TPTE2: variants seen among roughly 807,000 people sequenced by gnomAD.
TPTE2 encodes the protein transmembrane phosphoinositide 3-phosphatase and tensin homolog 2, also known as phosphatidylinositol 3,4,5-trisphosphate 3-phosphatase TPTE2.
Under a neutral mutation model 78.6 loss-of-function variants are expected in TPTE2, and 53 were observed. That is an observed-to-expected ratio of 0.67 (90% CI 0.54 to 0.85). The LOEUF (loss-of-function observed/expected upper bound fraction) is 0.85, where lower values mean the gene tolerates loss of function less well. Ranked by LOEUF, TPTE2 falls within the 40% of genes least tolerant of loss-of-function variation. TPTE2 has a pLI of 0.00. For synonymous variants in TPTE2, 175 were observed against 206.2 expected, an observed-to-expected ratio of 0.85 and a Z score of 1.30; for missense variants, 461 against 623.0, an observed-to-expected ratio of 0.74 and a Z score of 2.77.
chr13:19,482,080 C>T (rs1880389778), intron 4 of TPTE2, among the ~76,000 whole-genome samples: 2 of 152,040 alleles, frequency 1.3e-5, no homozygotes, highest in Non-Finnish European at 2.9e-5. Context: ...GTCAGCAAAA[C>T]ATGTTTGCTT....
exon 3 of TPTE2, chr13:19,492,852 T>G (rs764514406): frequency 6.2e-7 from 1 of 1,613,930 alleles, no homozygotes; most frequent in Non-Finnish European, 8.5e-7. Context: ...TAACTCACCT[T>G]TTACTGATAG....
In TPTE2 at chr13:19,513,283, T is replaced by C. The variant is rs565430718; in HGVS notation, c.-43-10006A>G. Among the ~76,000 whole-genome samples, 17 of 152,362 alleles carry C rather than the reference T, an allele frequency of 1.1e-4. No homozygotes were observed. The East Asian group carries it at 3.1e-3, about 28-fold the overall frequency. On this transcript the variant is annotated intron_variant, in intron 1 of 17. Transcript: ENST00000390680. ...TGGAGTGGTGATATGACCAATTTAT[T>C]TGAACAACAAAATTCCTTGAATCTA...
intron 3 of TPTE2, 36 bp downstream of exon 6, chr13:19,492,814 T>C (rs1881075986): frequency 1.2e-6 from 2 of 1,608,946 alleles, no homozygotes; most frequent in Non-Finnish European, 1.7e-6. Context: ...TATGCACTCT[T>C]ATGCATACGT....
intron 6 of TPTE2, among the ~76,000 whole-genome samples, chr13:19,468,025 CTTTTTTTTTTTTTTTTTTT>C (rs71092364): frequency 8.8e-5 from 4 of 45,492 alleles, no homozygotes; most frequent in Admixed American, 4.0e-4. Context: ...GACAGGATCT[CTTTTTTTTTTTTTTTTTTT>C]TTTTTTTTTT....
At chr13:19,440,398 G>T (rs1365410337) in intron 13 of TPTE2, among the ~76,000 whole-genome samples, 1 of 147,702 alleles carries the variant, frequency 6.8e-6, no homozygotes, top group Non-Finnish European at 1.5e-5. Context: ...AGAAAAAAAA[G>T]CTTTTGATAA....
intron 2 of TPTE2, 78 bp downstream of exon 5, chr13:19,493,370 C>G (rs1489488620): frequency 2.6e-6 from 3 of 1,173,916 alleles, no homozygotes; most frequent in African/African-American, 3.1e-5. Context: ...GATATATTTG[C>G]TCATATGCCT....
At chr13:19,540,719 T>C (rs1486622613), upstream of TPTE2, among the ~76,000 whole-genome samples, 1 of 152,206 alleles carries the variant, frequency 6.6e-6, no homozygotes, top group Non-Finnish European at 1.5e-5. Context: ...ATATTTTTGA[T>C]GCTACTGTAA....
At chr13:19,554,268 T>C in the TPTE2 span, among the ~76,000 whole-genome samples, 2 of 151,766 alleles carry the variant, frequency 1.3e-5, no homozygotes, top group Admixed American at 6.6e-5. Context: ...CCAGCTACTC[T>C]GGAGGCTGAG....
chr13:19,439,995 G>C (rs2088937072), intron 13 of TPTE2, among the ~76,000 whole-genome samples: 1 of 152,146 alleles, frequency 6.6e-6, no homozygotes, highest in Non-Finnish European at 1.5e-5. Flanking sequence ...ATGCCCTAGA[G>C]AGAAAGAGAA....
At chr13:19,466,488 T>C (rs1944106721) in intron 7 of TPTE2, among the ~76,000 whole-genome samples, 1 of 152,210 alleles carries the variant, frequency 6.6e-6, no homozygotes, top group Non-Finnish European at 1.5e-5. Context: ...TACATCCCAG[T>C]ATACATTTGC....
At chr13:19,454,073 A>G (rs1464387312) in intron 10 of TPTE2, among the ~76,000 whole-genome samples, 1 of 152,150 alleles carries the variant, frequency 6.6e-6, no homozygotes, top group Non-Finnish European at 1.5e-5. Flanking sequence ...GCAGTGGCCA[A>G]ACTTGTTGAT....
chr13:19,502,846 CAA>C (rs562366842), intron 1 of TPTE2, among the ~76,000 whole-genome samples: 31 of 131,536 alleles, frequency 2.4e-4, no homozygotes, highest in East Asian at 2.1e-4. Flanking sequence ...TTGTTGAAGC[CAA>C]AAAAAAAAAA....
At chr13:19,530,589 G>C (rs1170911257) in intron 1 of TPTE2, among the ~76,000 whole-genome samples, 1 of 152,120 alleles carries the variant, frequency 6.6e-6, no homozygotes, top group Non-Finnish European at 1.5e-5. Context: ...CTGTTGTCCA[G>C]GTTGGAGTGC....
exon 15 of TPTE2, chr13:19,436,301 G>A (rs763564795): frequency 6.2e-7 from 1 of 1,612,122 alleles, no homozygotes; most frequent in South Asian, 1.1e-5. Flanking sequence ...AATAATATAG[G>A]CTTTCCTACA....
At chr13:19,507,465 G>T (rs965324901), upstream of TPTE2, among the ~76,000 whole-genome samples, 3 of 152,266 alleles carry the variant, frequency 2.0e-5, no homozygotes, top group Admixed American at 6.5e-5. Flanking sequence ...AAGGGCTGAA[G>T]AGCCATCCTT....
intron 4 of TPTE2, among the ~76,000 whole-genome samples, chr13:19,481,069 G>C (rs1880320624): frequency 1.3e-5 from 2 of 151,420 alleles, no homozygotes; most frequent in South Asian, 2.1e-4. Flanking sequence ...ATGTCATTAA[G>C]TAATAAGGTT....
chr13:19,449,156 T>C (rs1878021824), intron 13 of TPTE2, among the ~76,000 whole-genome samples: 1 of 152,050 alleles, frequency 6.6e-6, no homozygotes, highest in Admixed American at 6.6e-5. Context: ...ATTGTGAAGA[T>C]GTTGGTTTTT....
At chr13:19,480,081 T>C (rs35076771) in intron 4 of TPTE2, among the ~76,000 whole-genome samples, 13,174 of 151,704 alleles carry the variant, frequency 0.087, 674 homozygotes, top group Middle Eastern at 0.12. Flanking sequence ...CATGACTCAT[T>C]TTTTATCAAT....
At chr13:19,531,752 C>A (rs936705999) in intron 1 of TPTE2, among the ~76,000 whole-genome samples, 5 of 151,824 alleles carry the variant, frequency 3.3e-5, no homozygotes, top group Non-Finnish European at 7.4e-5. Flanking sequence ...CATGGTGAAA[C>A]CCCATCTCTA....
Sources: gnomAD v4.1 joint callset for allele counts (sites outside exome capture counted in the v4.1 genomes callset) on GRCh38, gnomAD v4.1.1 for gene constraint, MANE v1.5 for transcripts, NCBI Gene and HGNC (gene_info 2026-07-23, HGNC 2026-07-21) for gene names.